Variants in UNC13C observed in about 807,000 individuals in gnomAD.
UNC13C encodes protein unc-13 homolog C.
UNC13C carries 174 observed loss-of-function variants against 245.4 expected under a neutral mutation model. The ratio of observed to expected loss-of-function variants is 0.71; its 90% CI spans 0.63 to 0.80. UNC13C has a LOEUF of 0.80. Ranked by LOEUF, UNC13C falls within the 30% of genes least tolerant of loss-of-function variation. The pLI is 0.00. For synonymous variants in UNC13C, 992 were observed against 895.1 expected (o/e 1.11, Z -1.93); for missense variants, 2,829 against 2,602.9 (o/e 1.09, Z -1.89).
At chr15:54,046,098 A>G (rs1897024988) in intron 2 of UNC13C, among the ~76,000 whole-genome samples, 1 of 152,202 alleles carries the variant, frequency 6.6e-6, no homozygotes, top group South Asian at 2.1e-4. Context: ...TCAGTACTTT[A>G]TGGAGATCTT....
intron 2 of UNC13C, among the ~76,000 whole-genome samples, chr15:54,130,119 C>A (rs541081192): frequency 6.6e-6 from 1 of 151,294 alleles, no homozygotes; most frequent in Non-Finnish European, 1.5e-5. Context: ...ATTTCTTTTC[C>A]TATAAAATAA....
At chr15:53,885,193 C>T in the UNC13C span, among the ~76,000 whole-genome samples, 1 of 152,210 alleles carries the variant, frequency 6.6e-6, no homozygotes, top group Non-Finnish European at 1.5e-5. Context: ...TTGGAAAAGC[C>T]TCAGAACCAA....
chr15:54,143,376 T>C (rs1230568896), intron 3 of UNC13C, among the ~76,000 whole-genome samples: 2 of 152,196 alleles, frequency 1.3e-5, no homozygotes, highest in African/African-American at 4.8e-5. Context: ...GGGCAAATAG[T>C]ACTTGGAATA....
the UNC13C span, among the ~76,000 whole-genome samples, chr15:53,850,445 A>G: frequency 6.6e-6 from 1 of 152,116 alleles, no homozygotes; most frequent in Non-Finnish European, 1.5e-5. Flanking sequence ...AATTTTCATT[A>G]ATTAAAAATA....
chr15:54,406,982 G>T (rs1354248387), intron 18 of UNC13C, among the ~76,000 whole-genome samples: 1 of 152,096 alleles, frequency 6.6e-6, no homozygotes, highest in Non-Finnish European at 1.5e-5. Flanking sequence ...AATAATAGGG[G>T]TAGCTAGATT....
At chr15:54,334,986 A>T (rs180820602) in intron 16 of UNC13C, among the ~76,000 whole-genome samples, 1 of 152,150 alleles carries the variant, frequency 6.6e-6, no homozygotes, top group African/African-American at 2.4e-5. Flanking sequence ...CAATGAAAAA[A>T]AAAATAGGAG....
At chr15:54,125,131 T>G (rs987816960) in intron 2 of UNC13C, among the ~76,000 whole-genome samples, 1 of 152,204 alleles carries the variant, frequency 6.6e-6, no homozygotes, top group African/African-American at 2.4e-5. Flanking sequence ...CCCTTATCTT[T>G]CCATATAAGT....
the UNC13C span, among the ~76,000 whole-genome samples, chr15:53,879,564 A>AT: frequency 6.6e-6 from 1 of 151,840 alleles, no homozygotes; most frequent in South Asian, 2.1e-4. Flanking sequence ...TATACTTGTT[A>AT]TTTTTTTTAA....
At chr15:54,300,901 C>G (rs1223907428) in intron 13 of UNC13C, among the ~76,000 whole-genome samples, 1 of 152,126 alleles carries the variant, frequency 6.6e-6, no homozygotes, top group Non-Finnish European at 1.5e-5. Context: ...ATATTTATAT[C>G]AGTACTGCTA....
intron 30 of UNC13C, among the ~76,000 whole-genome samples, chr15:54,614,887 T>A (rs926372222): frequency 2.0e-5 from 3 of 152,090 alleles, no homozygotes; most frequent in Non-Finnish European, 4.4e-5. Context: ...TTGTTGTGAC[T>A]AATTTTAAAA....
rs187267006 is a variant in UNC13C at position 54,076,885 on chromosome 15, G to T, written c.2983+60999G>T. Among the ~76,000 whole-genome samples the T allele has an allele frequency of 4.8e-4, 73 of 152,298 alleles. No homozygotes were observed. In the East Asian group the frequency reaches 9.8e-3, roughly 21 times the overall value. On this transcript the variant is annotated intron_variant, in intron 2 of 32. Transcript: ENST00000260323. ...ACCAGAGTTGAACTTAACATTATCA[G>T]ATTGATTTAGAGAAATTATTATAAA...
At chr15:53,841,619 C>A in the UNC13C span, among the ~76,000 whole-genome samples, 4 of 152,066 alleles carry the variant, frequency 2.6e-5, no homozygotes, top group African/African-American at 9.7e-5. Flanking sequence ...GCATATGTGA[C>A]AAGAGCTCCC....
At chr15:54,354,793 G>C (rs1415464656) in intron 17 of UNC13C, among the ~76,000 whole-genome samples, 2 of 152,074 alleles carry the variant, frequency 1.3e-5, no homozygotes, top group Admixed American at 6.6e-5. Flanking sequence ...ATGTAACTTG[G>C]AATTAAATAA....
At chr15:54,089,111 G>A (rs1323500694) in intron 2 of UNC13C, among the ~76,000 whole-genome samples, 1 of 152,102 alleles carries the variant, frequency 6.6e-6, no homozygotes. Context: ...CATGCCTCCT[G>A]CATGCTCCTG....
At chr15:54,508,831 A>G (rs1218729302) in intron 23 of UNC13C, among the ~76,000 whole-genome samples, 1 of 152,252 alleles carries the variant, frequency 6.6e-6, no homozygotes, top group Non-Finnish European at 1.5e-5. Flanking sequence ...ATCTTTCAGT[A>G]TATCTATGGC....
chr15:54,594,640 C>G (rs1006956384), intron 30 of UNC13C, among the ~76,000 whole-genome samples: 1 of 152,146 alleles, frequency 6.6e-6, no homozygotes, highest in African/African-American at 2.4e-5. Flanking sequence ...TCACCCAGCT[C>G]CCGCACAAAC....
At chr15:54,170,063 A>T (rs974004036) in intron 4 of UNC13C, among the ~76,000 whole-genome samples, 1 of 151,162 alleles carries the variant, frequency 6.6e-6, no homozygotes. Context: ...GAGAAAGAGA[A>T]ATTTCATAAA....
chr15:54,593,742 C>G (rs942079317), intron 30 of UNC13C, among the ~76,000 whole-genome samples: 7 of 152,090 alleles, frequency 4.6e-5, no homozygotes, highest in Admixed American at 6.5e-5. Context: ...CTTCTTATAT[C>G]ATTTTTTGGA....
chr15:54,068,151 T>G (rs1439110869), intron 2 of UNC13C, among the ~76,000 whole-genome samples: 1 of 152,176 alleles, frequency 6.6e-6, no homozygotes, highest in Non-Finnish European at 1.5e-5. Context: ...CCCCAAAGTT[T>G]TGAATGTAGC....
Sources: gnomAD v4.1 joint callset for allele counts (sites outside exome capture counted in the v4.1 genomes callset) on GRCh38, gnomAD v4.1.1 for gene constraint, MANE v1.5 for transcripts, NCBI Gene and HGNC (gene_info 2026-07-23, HGNC 2026-07-21) for gene names.